Variants in SUGCT observed in about 807,000 individuals in gnomAD.
SUGCT encodes the protein succinyl-CoA:glutarate-CoA transferase, also known as succinyl-CoA:glutarate CoA-transferase.
Under a neutral mutation model 55.0 loss-of-function variants are expected in SUGCT, and 41 were observed. That is an observed-to-expected ratio of 0.74 (90% CI 0.58 to 0.97). SUGCT has a LOEUF of 0.97. Ranked by LOEUF, SUGCT falls within the 50% of genes least tolerant of loss-of-function variation. The pLI is 0.00. For missense variants in SUGCT, 568 were observed against 547.8 expected (o/e 1.04, Z -0.37); for synonymous variants, 187 against 200.4 (o/e 0.93, Z 0.56).
chr7:40,432,646 G>A (rs186206717), intron 9 of SUGCT, among the ~76,000 whole-genome samples: 372 of 135,352 alleles, frequency 2.7e-3, no homozygotes, highest in Middle Eastern at 0.023. Flanking sequence ...AGATTGTGCC[G>A]CTGCACTCCA....
At chr7:40,382,758 A>C (rs1784931748) in intron 9 of SUGCT, among the ~76,000 whole-genome samples, 1 of 152,154 alleles carries the variant, frequency 6.6e-6, no homozygotes, top group African/African-American at 2.4e-5. Flanking sequence ...TATTCATTGA[A>C]TATATACAAT....
At chr7:40,793,055 T>C (rs1790391474) in intron 13 of SUGCT, 1 of 152,158 alleles carries the variant, frequency 6.6e-6, no homozygotes, top group Non-Finnish European at 1.5e-5. Context: ...ACAACATTCA[T>C]ATATGCCTTG....
chr7:40,421,362 C>G (rs1171487055), intron 9 of SUGCT, among the ~76,000 whole-genome samples: 1 of 152,122 alleles, frequency 6.6e-6, no homozygotes, highest in African/African-American at 2.4e-5. Flanking sequence ...TACCCCACCT[C>G]TTGCCTCATT....
intron 9 of SUGCT, among the ~76,000 whole-genome samples, chr7:40,317,432 A>G (rs1795500276): frequency 6.6e-6 from 1 of 152,244 alleles, no homozygotes; most frequent in Admixed American, 6.5e-5. Flanking sequence ...AATTTAAAAC[A>G]AAACCTAGCT....
chr7:40,321,855 C>G (rs559739263), intron 9 of SUGCT, among the ~76,000 whole-genome samples: 24 of 152,234 alleles, frequency 1.6e-4, no homozygotes, highest in African/African-American at 5.3e-4. Flanking sequence ...AGGTTTATTC[C>G]ATGATTTTGT....
intron 12 of SUGCT, among the ~76,000 whole-genome samples, chr7:40,508,845 G>T (rs1434808071): frequency 2.6e-5 from 4 of 152,240 alleles, no homozygotes; most frequent in Non-Finnish European, 2.9e-5. Flanking sequence ...GAATAAATGT[G>T]CTAAATTTAT....
At chr7:40,887,151 T>C in the SUGCT span, among the ~76,000 whole-genome samples, 7 of 152,140 alleles carry the variant, frequency 4.6e-5, no homozygotes, top group African/African-American at 1.7e-4. Flanking sequence ...AGTTGAAGAT[T>C]GAAGCAGAGG....
chr7:40,313,481 A>C (rs1307663084), intron 8 of SUGCT, among the ~76,000 whole-genome samples: 1 of 152,254 alleles, frequency 6.6e-6, no homozygotes, highest in South Asian at 2.1e-4. Context: ...TAAATAGTAG[A>C]TTACTTTCAG....
intron 9 of SUGCT, among the ~76,000 whole-genome samples, chr7:40,445,266 A>G (rs1212055258): frequency 6.6e-6 from 1 of 152,204 alleles, no homozygotes; most frequent in Non-Finnish European, 1.5e-5. Context: ...CTAATAAAGA[A>G]GAAAAAAGAG....
chr7:40,193,848 C>A (rs1336017065), intron 5 of SUGCT, among the ~76,000 whole-genome samples: 2 of 151,780 alleles, frequency 1.3e-5, no homozygotes, highest in East Asian at 2.0e-4. Flanking sequence ...TGATCTGCCC[C>A]CCTCGGCCTC....
rs1422736560 is a variant in SUGCT at position 40,482,822 on chromosome 7, TA to T, written c.987-13460del. The stretch of plus-strand genomic sequence containing the variant: ...ATGTGTTCATAATAACTGTGAATCT[TA>T]ATACATTAACCCACATAACTGTTGT... On this transcript the variant is annotated intron_variant, in intron 11 of 13. Transcript: ENST00000335693. Among the ~76,000 whole-genome samples, 3 of 152,220 alleles carry T rather than the reference TA, an allele frequency of 2.0e-5. No homozygotes were observed. In the East Asian group the frequency reaches 5.8e-4, roughly 29 times the overall value.
chr7:40,481,122 C>T (rs1291154453), intron 11 of SUGCT, among the ~76,000 whole-genome samples: 1 of 151,974 alleles, frequency 6.6e-6, no homozygotes, highest in African/African-American at 2.4e-5. Flanking sequence ...TTGCTTGAAG[C>T]CAGGAAGGAG....
At chr7:40,174,692 A>T (rs1784839550) in intron 1 of SUGCT, among the ~76,000 whole-genome samples, 1 of 152,246 alleles carries the variant, frequency 6.6e-6, no homozygotes. Flanking sequence ...TCTAAAGTAC[A>T]GCAGAAAAAA....
the SUGCT span, among the ~76,000 whole-genome samples, chr7:40,872,808 T>C: frequency 6.6e-6 from 1 of 152,198 alleles, no homozygotes; most frequent in Non-Finnish European, 1.5e-5. Flanking sequence ...AGTAGAGTGT[T>C]TACAAAGTTA....
intron 7 of SUGCT, among the ~76,000 whole-genome samples, chr7:40,255,681 A>G (rs998817900): frequency 3.7e-4 from 56 of 151,388 alleles, no homozygotes; most frequent in Non-Finnish European, 7.4e-4. Context: ...AAAAAAAAAA[A>G]AAAAAAGAAA....
At chr7:41,036,751 C>T in the SUGCT span, among the ~76,000 whole-genome samples, 1 of 152,180 alleles carries the variant, frequency 6.6e-6, no homozygotes, top group Non-Finnish European at 1.5e-5. Context: ...GGCTCAAACA[C>T]ACCTCAGCTG....
the SUGCT span, among the ~76,000 whole-genome samples, chr7:40,912,931 C>T: frequency 6.6e-6 from 1 of 152,032 alleles, no homozygotes; most frequent in Non-Finnish European, 1.5e-5. Context: ...AGAATATACC[C>T]CTGATCTGAC....
intron 11 of SUGCT, among the ~76,000 whole-genome samples, chr7:40,459,840 C>A (rs917757870): frequency 5.2e-4 from 79 of 152,144 alleles, no homozygotes; most frequent in Admixed American, 1.4e-3. Flanking sequence ...AATACCTGTA[C>A]CAATTTTTCA....
chr7:40,218,057 T>C (rs896788031), intron 6 of SUGCT, among the ~76,000 whole-genome samples: 6 of 152,014 alleles, frequency 3.9e-5, no homozygotes, highest in Non-Finnish European at 8.8e-5. Context: ...CTACTAAAAA[T>C]ACAAAAATTA....
Sources: allele counts gnomAD v4.1 joint callset (sites outside exome capture counted in the v4.1 genomes callset), GRCh38; gene constraint gnomAD v4.1.1; transcripts MANE v1.5; gene names NCBI Gene and HGNC (gene_info 2026-07-23, HGNC 2026-07-21).